Variants in PRKD1 observed in about 807,000 individuals in gnomAD.
PRKD1 encodes protein kinase D1.
Under a neutral mutation model 95.9 loss-of-function variants are expected in PRKD1, and 63 were observed. The ratio of observed to expected loss-of-function variants is 0.66; its 90% CI spans 0.54 to 0.81. The LOEUF is 0.81. Ranked by LOEUF, PRKD1 falls within the 30% of genes least tolerant of loss-of-function variation. PRKD1 has a pLI of 0.00. For synonymous variants in PRKD1, 425 were observed against 423.1 expected (o/e 1.00, Z -0.05); for missense variants, 1,048 against 1,165.3 (o/e 0.90, Z 1.47).
chr14:29,718,412 T>C (rs944592019), intron 2 of PRKD1, among the ~76,000 whole-genome samples: 3 of 151,966 alleles, frequency 2.0e-5, no homozygotes, highest in Non-Finnish European at 4.4e-5. Context: ...CTCCCAACCA[T>C]GTGGAACTGT....
At chr14:29,841,193 G>C (rs537035731) in intron 1 of PRKD1, among the ~76,000 whole-genome samples, 15 of 152,348 alleles carry the variant, frequency 9.8e-5, no homozygotes, top group Non-Finnish European at 1.6e-4. Context: ...AGGCAGAAGA[G>C]ACTTGCCTTG....
intron 1 of PRKD1, among the ~76,000 whole-genome samples, chr14:29,774,464 A>G (rs1294666300): frequency 3.9e-5 from 6 of 152,112 alleles, no homozygotes; most frequent in African/African-American, 1.4e-4. Flanking sequence ...CATTTTACCA[A>G]TAATAATAAT....
At chr14:29,642,806 C>G (rs1399691078) in intron 4 of PRKD1, among the ~76,000 whole-genome samples, 1 of 151,970 alleles carries the variant, frequency 6.6e-6, no homozygotes, top group Non-Finnish European at 1.5e-5. Flanking sequence ...GAAGGTTTTA[C>G]TGGGTTTATT....
chr14:29,802,378 G>A (rs45591036), intron 1 of PRKD1, among the ~76,000 whole-genome samples: 5,437 of 152,262 alleles, frequency 0.036, 138 homozygotes, highest in Non-Finnish European at 0.052. Context: ...CAGATAAAAA[G>A]CACATTATGA....
intron 1 of PRKD1, among the ~76,000 whole-genome samples, chr14:29,805,761 G>A (rs766098312): frequency 7.9e-5 from 12 of 152,198 alleles, no homozygotes; most frequent in Non-Finnish European, 1.8e-4. Context: ...CCCTTGGCAG[G>A]CTGCCTCCAG....
intron 1 of PRKD1, among the ~76,000 whole-genome samples, chr14:29,776,277 T>C (rs1566594217): frequency 1.3e-5 from 2 of 152,186 alleles, no homozygotes; most frequent in Admixed American, 6.5e-5. Flanking sequence ...CACCAGCAAC[T>C]GAACAAAGCT....
At chr14:29,738,840 T>G (rs1269713795) in intron 1 of PRKD1, among the ~76,000 whole-genome samples, 1 of 146,286 alleles carries the variant, frequency 6.8e-6, no homozygotes, top group Non-Finnish European at 1.5e-5. Context: ...TTCTTTTTTT[T>G]TTTTTGGAGA....
At chr14:29,926,253 G>A (rs1227773316) in intron 1 of PRKD1, among the ~76,000 whole-genome samples, 2 of 152,152 alleles carry the variant, frequency 1.3e-5, no homozygotes, top group African/African-American at 4.8e-5. Context: ...CAAAAGGAGT[G>A]CTAGCCAGTC....
In PRKD1 at chr14:29,757,431, A is replaced by G. The variant is rs113631610; in HGVS notation, c.265-31757T>C. On this transcript the variant is annotated intron_variant, in intron 1 of 17. Transcript: ENST00000331968. ...AACTATCATCTCACCTGAGGTTTGA[A>G]GCATGACATGTAGCTGAGCAAAGAG... 2.6e-3 allele frequency among the ~76,000 whole-genome samples: 403 copies of G among 152,270 alleles called. 3 individuals are homozygous for G. The highest frequency in any genetic ancestry group is 5.0e-3 in the Non-Finnish European group (343 of 68,006).
At chr14:29,770,930 CAAAAA>C (rs753745571) in intron 1 of PRKD1, among the ~76,000 whole-genome samples, 130 of 47,152 alleles carry the variant, frequency 2.8e-3, no homozygotes, top group African/African-American at 4.4e-3. Flanking sequence ...AGACACTGTC[CAAAAA>C]AAAAAAAAAA....
chr14:29,696,770 C>A (rs1173910690), intron 2 of PRKD1, among the ~76,000 whole-genome samples: 1 of 151,816 alleles, frequency 6.6e-6, no homozygotes, highest in Non-Finnish European at 1.5e-5. Context: ...TTTGTTTTCT[C>A]ATTTCCTAGA....
At position 29,908,161 on chromosome 14, in the gene PRKD1, T is replaced by C. The variant is rs188313677; in HGVS notation, c.264+19088A>G. 1.3e-4 allele frequency among the ~76,000 whole-genome samples: 20 copies of C among 150,568 alleles called. 1 individual carries two copies. The East Asian group carries it at 2.9e-3, about 22-fold the overall frequency. ...AAAGCAAAAAAAAAAAAAAAACTTA[T>C]GCACTTGCACTTTTCAAACTGAAAA... On this transcript the variant is annotated intron_variant, in intron 1 of 17. Coordinates refer to ENST00000331968, the MANE Select transcript of PRKD1 (RefSeq NM_002742.3).
intron 1 of PRKD1, among the ~76,000 whole-genome samples, chr14:29,887,451 A>G (rs560767830): frequency 5.3e-5 from 8 of 152,340 alleles, no homozygotes; most frequent in African/African-American, 1.7e-4. Flanking sequence ...TTAAACAATT[A>G]CCTGTAATGT....
intron 1 of PRKD1, among the ~76,000 whole-genome samples, chr14:29,887,224 T>C (rs1893742563): frequency 6.6e-6 from 1 of 152,204 alleles, no homozygotes; most frequent in African/African-American, 2.4e-5. Context: ...CTAAAGATGA[T>C]AATGAATTAA....
At chr14:29,821,014 A>G (rs1426107528) in intron 1 of PRKD1, among the ~76,000 whole-genome samples, 1 of 152,218 alleles carries the variant, frequency 6.6e-6, no homozygotes, top group African/African-American at 2.4e-5. Flanking sequence ...ATGGAGAGAA[A>G]TGGGAAAAGA....
intron 1 of PRKD1, among the ~76,000 whole-genome samples, chr14:29,884,836 T>A (rs1219754441): frequency 2.0e-5 from 3 of 152,072 alleles, no homozygotes. Flanking sequence ...TCTTAAGAAT[T>A]AGTAGGCTGG....
chr14:29,675,991 TG>T (rs71443315), intron 2 of PRKD1, among the ~76,000 whole-genome samples: 4 of 37,956 alleles, frequency 1.1e-4, no homozygotes, highest in South Asian at 1.5e-3. Context: ...GGGTGGGGGG[TG>T]GGGGGAGGGA....
intron 1 of PRKD1, among the ~76,000 whole-genome samples, chr14:29,781,797 G>GT: frequency 1.3e-5 from 2 of 152,236 alleles, no homozygotes; most frequent in Admixed American, 1.3e-4. Context: ...CTTTACTAAA[G>GT]TAACTTGACA....
At chr14:29,913,445 A>G (rs938693001) in intron 1 of PRKD1, among the ~76,000 whole-genome samples, 1 of 152,226 alleles carries the variant, frequency 6.6e-6, no homozygotes, top group African/African-American at 2.4e-5. Context: ...ACAACAGAGC[A>G]TATGGTCAGC....
Sources: gnomAD v4.1 joint callset for allele counts (sites outside exome capture counted in the v4.1 genomes callset) on GRCh38, gnomAD v4.1.1 for gene constraint, MANE v1.5 for transcripts, NCBI Gene and HGNC (gene_info 2026-07-23, HGNC 2026-07-21) for gene names.